RBFOX1: variants seen among roughly 807,000 people sequenced by gnomAD.
RBFOX1 encodes RNA binding protein fox-1 homolog 1.
Under a neutral mutation model 57.7 loss-of-function variants are expected in RBFOX1, and 8 were observed. The observed-to-expected ratio is 0.14, with a 90% CI of 0.08 to 0.25. The LOEUF is 0.25. Among genes scored for constraint, RBFOX1 ranks in the 10% least tolerant of loss-of-function variants. The pLI is 1.00. For missense variants in RBFOX1, 611 were observed against 548.5 expected (o/e 1.11, Z -1.14); for synonymous variants, 326 against 222.4 (o/e 1.47, Z -4.15).
chr16:7,205,411 G>A (rs541397193), intron 4 of RBFOX1, among the ~76,000 whole-genome samples: 88 of 151,732 alleles, frequency 5.8e-4, no homozygotes, highest in African/African-American at 2.0e-3. Context: ...CCAGCTACTC[G>A]GGAGGCTAAG....
intron 2 of RBFOX1, among the ~76,000 whole-genome samples, chr16:6,410,093 G>A (rs2093409062): frequency 6.6e-6 from 1 of 151,860 alleles, no homozygotes; most frequent in Non-Finnish European, 1.5e-5. Context: ...CATTCCTGGA[G>A]TTTGTTTTGG....
intron 4 of RBFOX1, among the ~76,000 whole-genome samples, chr16:7,238,011 GAA>G (rs1405616682): frequency 2.0e-5 from 3 of 152,146 alleles, no homozygotes; most frequent in Admixed American, 2.0e-4. Context: ...CTCAAAAAAA[GAA>G]AAGAGATGCT....
intron 1 of RBFOX1, among the ~76,000 whole-genome samples, chr16:5,264,502 A>G (rs1205304866): frequency 6.6e-6 from 1 of 152,248 alleles, no homozygotes; most frequent in Non-Finnish European, 1.5e-5. Flanking sequence ...AAATCTGCCC[A>G]TTGGTGAAAG....
At chr16:6,980,235 A>C (rs891921042) in intron 3 of RBFOX1, among the ~76,000 whole-genome samples, 2 of 152,076 alleles carry the variant, frequency 1.3e-5, no homozygotes, top group Non-Finnish European at 2.9e-5. Flanking sequence ...TTACCGCAAA[A>C]TTTTATTTCC....
chr16:6,698,012 C>T (rs1175044487), intron 3 of RBFOX1, among the ~76,000 whole-genome samples: 1 of 152,260 alleles, frequency 6.6e-6, no homozygotes, highest in East Asian at 1.9e-4. Flanking sequence ...ACTTATTATC[C>T]TCCTCAGTAA....
chr16:5,390,815 G>T (rs2066388124), intron 1 of RBFOX1, among the ~76,000 whole-genome samples: 1 of 152,162 alleles, frequency 6.6e-6, no homozygotes, highest in East Asian at 1.9e-4. Context: ...CACTGGGCTT[G>T]AAGGATAGTG....
At chr16:6,107,319 G>C (rs1432400115) in intron 1 of RBFOX1, among the ~76,000 whole-genome samples, 1 of 151,998 alleles carries the variant, frequency 6.6e-6, no homozygotes, top group African/African-American at 2.4e-5. Context: ...TGACCCTCCA[G>C]GCAAGTCACT....
At chr16:6,985,415 G>A (rs2090021910) in intron 3 of RBFOX1, among the ~76,000 whole-genome samples, 2 of 152,136 alleles carry the variant, frequency 1.3e-5, no homozygotes, top group Admixed American at 1.3e-4. Flanking sequence ...AGGAGGCTTA[G>A]GCAGGAAGAT....
At chr16:6,951,859 G>T (rs545734520) in intron 3 of RBFOX1, among the ~76,000 whole-genome samples, 7 of 152,086 alleles carry the variant, frequency 4.6e-5, no homozygotes, top group African/African-American at 1.7e-4. Context: ...TCAGCCTACT[G>T]AGTAGCTGGG....
intron 2 of RBFOX1, among the ~76,000 whole-genome samples, chr16:6,612,241 A>C (rs891063919): frequency 2.0e-5 from 3 of 152,138 alleles, no homozygotes; most frequent in Non-Finnish European, 4.4e-5. Context: ...ACTCTTGACC[A>C]ATATTCCCCT....
chr16:7,131,978 C>G (rs376726045), intron 4 of RBFOX1, among the ~76,000 whole-genome samples: 1 of 147,734 alleles, frequency 6.8e-6, no homozygotes, highest in African/African-American at 2.5e-5. Context: ...ACATTGATGA[C>G]TAGAGTCCTT....
rs150877963 is a variant in RBFOX1 at position 5,958,278 on chromosome 16, C to A, written c.351+90943C>A. On this transcript the variant is annotated intron_variant, in intron 4 of 19. Transcript: ENST00000641259. ...GTACATGAGACTTGCTTGGAATTAG[C>A]ATTATTTGCTAATTGTATCACACTT... 3.9e-5 allele frequency among the ~76,000 whole-genome samples: 6 copies of A among 152,300 alleles called. No individual in the cohort carries two copies. The East Asian group carries it at 1.2e-3, about 29-fold the overall frequency.
chr16:6,776,303 C>CG (rs772297861), intron 3 of RBFOX1, among the ~76,000 whole-genome samples: 1 of 151,848 alleles, frequency 6.6e-6, no homozygotes, highest in African/African-American at 2.4e-5. Context: ...CCCAGCTACT[C>CG]GGGGGGCTGA....
intron 2 of RBFOX1, among the ~76,000 whole-genome samples, chr16:6,414,351 A>G (rs937608377): frequency 6.6e-6 from 1 of 152,134 alleles, no homozygotes; most frequent in African/African-American, 2.4e-5. Context: ...TGTGTATGGA[A>G]TTTGTCACAT....
intron 1 of RBFOX1, among the ~76,000 whole-genome samples, chr16:6,193,290 A>G (rs1172403150): frequency 1.3e-5 from 2 of 149,086 alleles, no homozygotes; most frequent in East Asian, 2.0e-4. Flanking sequence ...CAATCAGATT[A>G]TCTCTTCGTG....
rs973408720 is a variant in RBFOX1, at chr16:5,778,608, C to T, written c.319-88695C>T. Among the ~76,000 whole-genome samples the T allele has an allele frequency of 9.2e-5, 14 of 152,172 alleles. 1 individual carries two copies. Among genetic ancestry groups the T allele is most frequent in the African/African-American group, 2.9e-4 (12 of 41,440 alleles). ...CATGGCGTGCTGTGTCTGCCTCTCC[C>T]CTGTACCAAGTAGGTTTGACTCATG... On this transcript the variant is annotated intron_variant, in intron 3 of 19. Transcript: ENST00000641259.
intron 4 of RBFOX1, among the ~76,000 whole-genome samples, chr16:5,932,461 C>T (rs2059080942): frequency 1.3e-5 from 2 of 152,176 alleles, no homozygotes; most frequent in African/African-American, 2.4e-5. Flanking sequence ...AGTTTGATGT[C>T]AGGCTTGTAG....
chr16:6,487,678 AAAAAAAAAAAAAAAAAAAAAAAAT>A (rs2095516332), intron 2 of RBFOX1, among the ~76,000 whole-genome samples: 1 of 10,032 alleles, frequency 1.0e-4, no homozygotes, highest in African/African-American at 2.4e-4. Context: ...ATATGTAAAA[AAAAAAAAAAAAAAAAAAAAAAAAT>A]ATATATATAT....
chr16:6,895,118 A>G (rs1383663632), intron 3 of RBFOX1, among the ~76,000 whole-genome samples: 1 of 152,128 alleles, frequency 6.6e-6, no homozygotes, highest in African/African-American at 2.4e-5. Flanking sequence ...CCTCTTTTCC[A>G]TAGAAGTTCA....
Sources: allele counts gnomAD v4.1 joint callset (sites outside exome capture counted in the v4.1 genomes callset), GRCh38; gene constraint gnomAD v4.1.1; transcripts MANE v1.5; gene names NCBI Gene and HGNC (gene_info 2026-07-23, HGNC 2026-07-21).